SIGLEC15: variants seen among roughly 807,000 people sequenced by gnomAD.
SIGLEC15 encodes the protein sialic acid binding Ig like lectin 15.
SIGLEC15 carries 31 observed loss-of-function variants against 26.2 expected under a neutral mutation model. The ratio of observed to expected loss-of-function variants is 1.18; its 90% confidence interval spans 0.89 to 1.60. The LOEUF (loss-of-function observed/expected upper bound fraction) is 1.60, where lower values mean the gene tolerates loss of function less well. Among genes scored for constraint, SIGLEC15 ranks in the 40% most tolerant of loss-of-function variants. The pLI is 0.00. For synonymous variants in SIGLEC15, 207 were observed against 221.9 expected, an observed-to-expected ratio of 0.93 and a Z score of 0.60; for missense variants, 501 against 488.4, an observed-to-expected ratio of 1.03 and a Z score of -0.24.
chr18:45,837,448 A>C, intron 2 of SIGLEC15, 65 bp from the exon 3 acceptor site: 1 of 1,416,574 alleles, frequency 7.1e-7, no homozygotes, highest in Non-Finnish European at 9.1e-7. Context: ...TGGGGTTTCC[A>C]GGCCCCGGGT....
chr18:45,828,919 C>T (rs966797105), intron 1 of SIGLEC15, among the ~76,000 whole-genome samples: 2 of 152,228 alleles, frequency 1.3e-5, no homozygotes, highest in Non-Finnish European at 2.9e-5. Flanking sequence ...GCTGGTGTCA[C>T]AGCCCAGGAG....
At chr18:45,833,285 T>C (rs2048249495) in intron 1 of SIGLEC15, among the ~76,000 whole-genome samples, 1 of 152,118 alleles carries the variant, frequency 6.6e-6, no homozygotes, top group Admixed American at 6.6e-5. Flanking sequence ...TAGCACCTGA[T>C]GGGGTTGTTG....
chr18:45,840,304 G>C, intron 5 of SIGLEC15, 63 bp downstream of exon 5: 2 of 1,538,064 alleles, frequency 1.3e-6, no homozygotes, highest in Admixed American at 1.9e-5. Flanking sequence ...TCACCCAGGG[G>C]GTCCAGGCAG....
rs767401652 is a variant in SIGLEC15 at position 45,833,559 on chromosome 18, CA to C, written c.53-3469del. ...AACTCCTGACCTCAACTGATCTGCC[CA>C]CCTTGGCCTCCCAAAGTGCTGGAAT... On this transcript the variant is annotated intron_variant, in intron 1 of 5. Coordinates refer to ENST00000389474, the MANE Select transcript of SIGLEC15 (RefSeq NM_213602.3). 2.0e-5 allele frequency among the ~76,000 whole-genome samples: 3 copies of C among 152,130 alleles called. No individual in the cohort carries two copies. The East Asian group carries it at 5.8e-4, about 29-fold the overall frequency.
Position 45,838,992 on chromosome 18 carries a change from C to G in SIGLEC15, c.771C>G (p.Gly257=). ...GCGTCTACCTGTTCCGCTTCCATGGCGCCAGCGGGGCCTCGACGGTCGCCC... is the reference window on the plus strand; with the variant it reads ...GCGTCTACCTGTTCCGCTTCCATGGGGCCAGCGGGGCCTCGACGGTCGCCC... ...EASVYLFRFH[G]ASGASTVALL... The change falls in exon 4 of 6, where the codon GGC becomes GGG. Residue 257 remains glycine, a synonymous_variant. Coordinates refer to ENST00000389474, the MANE Select transcript of SIGLEC15 (RefSeq NM_213602.3). The G allele has an allele frequency of 6.3e-7, 1 of 1,598,142 alleles. No homozygotes were observed. Among genetic ancestry groups the G allele is most frequent in the Non-Finnish European group, 8.5e-7 (1 of 1,176,768 alleles).
In SIGLEC15 at chr18:45,843,161, T is replaced by G. The variant is rs920277156; in HGVS notation, c.*974T>G. 5 of 152,260 alleles carry G rather than the reference T, an allele frequency of 3.3e-5. No individual in the cohort carries two copies. Among genetic ancestry groups the G allele is most frequent in the Non-Finnish European group, 7.3e-5 (5 of 68,050 alleles). The allele number at this position is 152,260 out of a possible 1,614,324, so 9.4% of individuals were successfully genotyped here. ...AGGGGAGGTCTGGCCGGAGAGTCCG[T>G]GCGTAAAGCAGCTACAGCTCTGACC... On this transcript the variant is annotated 3_prime_UTR_variant, in exon 6 of 6. Coordinates refer to ENST00000389474, the MANE Select transcript of SIGLEC15 (RefSeq NM_213602.3).
Position 45,838,779 on chromosome 18 carries a change from C to A in SIGLEC15, c.558C>A (p.Leu186=). Residue 186 remains leucine, a synonymous_variant, in exon 4 of 6, where the codon CTC becomes CTA. Coordinates refer to ENST00000389474, the MANE Select transcript of SIGLEC15 (RefSeq NM_213602.3). ...LPSPAHAFRA[L]CTAEGEPPPA... The stretch of plus-strand genomic sequence containing the variant: ...GTCCGGCTCACGCCTTCCGCGCGCT[C>A]TGCACTGCCGAAGGGGAGCCGCCGC... 1 of 1,570,530 alleles carries A rather than the reference C, an allele frequency of 6.4e-7. No homozygotes were observed.
chr18:45,838,771 C>T lies in SIGLEC15; in HGVS notation c.550C>T (p.Arg184Cys), dbSNP rs886459560. 6.4e-7 allele frequency: 1 copy of T among 1,574,360 alleles called. No individual in the cohort carries two copies. The highest frequency in any genetic ancestry group is 8.6e-7 in the Non-Finnish European group (1 of 1,168,208). Residue 184 changes from arginine to cysteine, a missense_variant, in exon 4 of 6, where the codon CGC becomes TGC. Arg to Cys is a radical substitution (Grantham distance 180, BLOSUM62 -3). Coordinates refer to ENST00000389474, the MANE Select transcript of SIGLEC15 (RefSeq NM_213602.3). ...SVLPSPAHAF[R>C]ALCTAEGEPP... ...GCTGCCCAGTCCGGCTCACGCCTTC[C>T]GCGCGCTCTGCACTGCCGAAGGGGA...
intron 1 of SIGLEC15, among the ~76,000 whole-genome samples, chr18:45,833,507 T>A (rs1299837712): frequency 6.6e-6 from 1 of 151,980 alleles, no homozygotes; most frequent in East Asian, 1.9e-4. Flanking sequence ...GAGACGGGGT[T>A]TTACCATGTT....
chr18:45,837,006 G>A lies in SIGLEC15; in HGVS notation c.53-23G>A, dbSNP rs772051443. 10 of 1,178,760 alleles carry A rather than the reference G, an allele frequency of 8.5e-6. No homozygotes were observed. In the Admixed American group the frequency reaches 1.0e-4, roughly 12 times the overall value. 73.0% of individuals were successfully genotyped at this position (1,178,760 alleles called of 1,614,324 possible). ...CCTCAGTTTATTCACGTGTAACCCGGGGTTAACTGTGTTTATCTGTAGGCT... is the reference window on the plus strand; with the variant it reads ...CCTCAGTTTATTCACGTGTAACCCGAGGTTAACTGTGTTTATCTGTAGGCT... On this transcript the variant is annotated intron_variant, in intron 1 of 5. Transcript: ENST00000389474.
At chr18:45,830,415 G>T (rs894050) in intron 1 of SIGLEC15, among the ~76,000 whole-genome samples, 84,587 of 151,894 alleles carry the variant, frequency 0.56, 24,408 homozygotes, top group African/African-American at 0.71. Context: ...TGCCCGATGC[G>T]GCAGCCCCAA....
chr18:45,829,124 G>T (rs1345030909), intron 1 of SIGLEC15: 10 of 985,556 alleles, frequency 1.0e-5, no homozygotes, highest in Non-Finnish European at 9.6e-6. Context: ...GCAGCACTCT[G>T]GGGTGGGCAC....
Position 45,842,423 on chromosome 18 carries a change from CTGTGTG to C in SIGLEC15, c.*251_*256del. ...CAGCATTTCGTAAATGTGCATACGT[CTGTGTG>C]TGTGTGTGTGTGTGAGAGAGAGAGA... On this transcript the variant is annotated 3_prime_UTR_variant, in exon 6 of 6. Transcript: ENST00000389474. 8.9e-6 allele frequency: 4 copies of C among 447,566 alleles called. No homozygotes were observed. Among genetic ancestry groups the C allele is most frequent in the Admixed American group, 3.7e-5 (1 of 27,358 alleles). The allele number at this position is 447,566 out of a possible 1,614,324, so 27.7% of individuals were successfully genotyped here.
chr18:45,836,994 A>T (rs768317706), intron 1 of SIGLEC15, 35 bp from the exon 2 acceptor site: 4 of 1,072,956 alleles, frequency 3.7e-6, no homozygotes, highest in Admixed American at 1.7e-5. Flanking sequence ...CAGTTTATTC[A>T]CGTGTAACCC....
At chr18:45,840,077 C>A in intron 4 of SIGLEC15, 134 bp from the exon 5 acceptor site, 1 of 924,720 alleles carries the variant, frequency 1.1e-6, no homozygotes. Flanking sequence ...GCTTCACACC[C>A]TGCTAGTCTG....
At chr18:45,842,079 G>T in intron 5 of SIGLEC15, 27 bp from the exon 6 acceptor site, 2 of 1,610,938 alleles carry the variant, frequency 1.2e-6, no homozygotes, top group Middle Eastern at 3.3e-4. Context: ...CTGTTTGGAT[G>T]ATCATTCAAC....
Position 45,839,101 on chromosome 18 carries a change from T to G in SIGLEC15, c.874+6T>G, listed in dbSNP as rs1362583657. The stretch of plus-strand genomic sequence containing the variant: ...CGCTGCCCGCCGCCGCCCAGGTGGG[T>G]GCGCCCCAGACACGGGTGGCCGCGA... On this transcript the variant is annotated splice_donor_region_variant and intron_variant, in intron 4 of 5. Coordinates refer to ENST00000389474, the MANE Select transcript of SIGLEC15 (RefSeq NM_213602.3). 1 of 1,390,952 alleles carries G rather than the reference T, an allele frequency of 7.2e-7. No homozygotes were observed. Among genetic ancestry groups the G allele is most frequent in the African/African-American group, 1.5e-5 (1 of 65,574 alleles). The allele number at this position is 1,390,952 out of a possible 1,614,324, so 86.2% of individuals were successfully genotyped here.
chr18:45,836,365 G>A (rs974293982), intron 1 of SIGLEC15, among the ~76,000 whole-genome samples: 85 of 152,282 alleles, frequency 5.6e-4, no homozygotes, highest in Middle Eastern at 6.8e-3. Context: ...AAGAGCTGCC[G>A]TATTATTTCC....
rs1228364722 is a variant in SIGLEC15, at chr18:45,837,088, A to G, written c.112A>G (p.Ser38Gly). 6.2e-7 allele frequency: 1 copy of G among 1,612,668 alleles called. No homozygotes were observed. Among genetic ancestry groups the G allele is most frequent in the Non-Finnish European group, 8.5e-7 (1 of 1,179,100 alleles). Residue 38 changes from serine to glycine, a missense_variant and splice_region_variant, in exon 2 of 6, where the codon AGC becomes GGC. Ser to Gly is a moderately conservative substitution (Grantham distance 56). Coordinates refer to ENST00000389474, the MANE Select transcript of SIGLEC15 (RefSeq NM_213602.3). ...GAACTTGCTCAACACAGAGGTGCAC[A>G]GTAAGTGCTTTTATTATTATCACCA... The part of the protein sequence containing the change: ...TENLLNTEVH[S>G]SPAQRWSMQV...
Sources: gnomAD v4.1 joint callset for allele counts (sites outside exome capture counted in the v4.1 genomes callset) on GRCh38, gnomAD v4.1.1 for gene constraint, MANE v1.5 for transcripts, NCBI Gene and HGNC (gene_info 2026-07-23, HGNC 2026-07-21) for gene names.